ADGRF1: variants seen among roughly 807,000 people sequenced by gnomAD.
The protein encoded by ADGRF1 is G protein-coupled receptor 110.
Under a neutral mutation model 87.2 loss-of-function variants are expected in ADGRF1, and 85 were observed. The ratio of observed to expected loss-of-function variants is 0.97; its 90% CI spans 0.82 to 1.17. The LOEUF is 1.17. ADGRF1 is among the 50% of genes most tolerant of loss of function. The pLI is 0.00. For missense variants in ADGRF1, 1,169 were observed against 1,077.2 expected (o/e 1.09, Z -1.19); for synonymous variants, 430 against 408.8 (o/e 1.05, Z -0.63).
chr6:47,030,511 G>C (rs138636396), intron 1 of ADGRF1, among the ~76,000 whole-genome samples: 1 of 151,094 alleles, frequency 6.6e-6, no homozygotes, highest in Non-Finnish European at 1.5e-5. Context: ...TTTTTCTCTC[G>C]AGCAGTGTTT....
intron 13 of ADGRF1, chr6:47,002,106 T>C (rs772248954): frequency 5.2e-5 from 8 of 152,578 alleles, no homozygotes; most frequent in South Asian, 4.1e-4. Context: ...CATGTACTTA[T>C]CAGGAAAGAT....
chr6:47,004,849 A>G (rs1222481228), intron 13 of ADGRF1, among the ~76,000 whole-genome samples: 2 of 152,226 alleles, frequency 1.3e-5, no homozygotes, highest in Non-Finnish European at 2.9e-5. Context: ...AAGATCACAC[A>G]GTCAATTGGT....
In ADGRF1 at chr6:47,009,224, C is replaced by T. The variant is rs1294655359; in HGVS notation, c.2211G>A (p.Trp737Ter). 12 of 1,614,158 alleles carry T rather than the reference C, an allele frequency of 7.4e-6. No individual in the cohort carries two copies. The highest frequency in any genetic ancestry group is 1.7e-6 in the Non-Finnish European group (2 of 1,180,024). ...YKRKDVCWLNWSNGSKPLLAF... is the reference protein window; with the variant it reads ...YKRKDVCWLN The stretch of plus-strand genomic sequence containing the variant: ...CCAGGAGTGGTTTGCTTCCATTGGA[C>T]CAGTTAAGCCAACACACATCTTTCC... The change falls in exon 11 of 15, where the codon TGG (tryptophan) becomes TGA (stop). Residue 737 changes from tryptophan (W) to a stop codon, truncating the protein, a stop_gained. Coordinates refer to ENST00000371253, the MANE Select transcript of ADGRF1 (RefSeq NM_153840.4). LOFTEE classifies it high-confidence loss of function.
rs751055898 is a variant in ADGRF1, at chr6:47,005,797, T to C, written c.2592+20A>G. 4 of 1,588,482 alleles carry C rather than the reference T, an allele frequency of 2.5e-6. No individual in the cohort carries two copies. Among genetic ancestry groups the C allele is most frequent in the East Asian group, 2.2e-5 (1 of 44,666 alleles). ...ACTGGAACTTCATGTATTGGATTCATGGCAGTAGGAGATAATTACCTTTTC... is the reference window on the plus strand; with the variant it reads ...ACTGGAACTTCATGTATTGGATTCACGGCAGTAGGAGATAATTACCTTTTC... On this transcript the variant is annotated intron_variant, in intron 13 of 14. Transcript: ENST00000371253.
At chr6:47,020,468 C>T in intron 7 of ADGRF1, 1 of 1,371,030 alleles carries the variant, frequency 7.3e-7, no homozygotes, top group South Asian at 1.3e-5. Context: ...TGTGCCATTG[C>T]ACTCCAACTT....
chr6:47,003,725 G>T (rs1005855176), intron 13 of ADGRF1, among the ~76,000 whole-genome samples: 1 of 152,014 alleles, frequency 6.6e-6, no homozygotes, highest in Non-Finnish European at 1.5e-5. Flanking sequence ...GATATACCTC[G>T]CATGTACTGA....
At chr6:47,022,495 T>C (rs374514313) in intron 5 of ADGRF1, among the ~76,000 whole-genome samples, 8 of 152,232 alleles carry the variant, frequency 5.3e-5, no homozygotes, top group African/African-American at 1.9e-4. Context: ...CAATTCTCTG[T>C]GTGGACAAAT....
At chr6:47,003,040 A>G (rs1422489360) in intron 13 of ADGRF1, among the ~76,000 whole-genome samples, 1 of 152,198 alleles carries the variant, frequency 6.6e-6, no homozygotes, top group East Asian at 1.9e-4. Flanking sequence ...CTATATCATG[A>G]CACTGTAAAC....
intron 1 of ADGRF1, among the ~76,000 whole-genome samples, chr6:47,030,082 C>A (rs1354206457): frequency 6.6e-6 from 1 of 152,214 alleles, no homozygotes; most frequent in Non-Finnish European, 1.5e-5. Flanking sequence ...CCATCCAGCC[C>A]TTACCTTGCT....
Position 47,009,110 on chromosome 6 carries a change from C to G in ADGRF1, c.2325G>C (p.Gly775=). ...VLTKLWRPTV[G]ERLSRDDKAT... is the part of the protein sequence containing the mutation. ...CCTTGTCATCCCGACTCAGTCTTTC[C>G]CCAACAGTCGGCCTCCAGAGCTTTG... The change falls in exon 11 of 15, where the codon GGG becomes GGC. Residue 775 remains glycine (G), a synonymous_variant. Transcript: ENST00000371253. 6.2e-7 allele frequency: 1 copy of G among 1,614,100 alleles called. No homozygotes were observed. Among genetic ancestry groups the G allele is most frequent in the Non-Finnish European group, 8.5e-7 (1 of 1,180,008 alleles).
At chr6:47,002,266 C>T (rs923526009) in intron 13 of ADGRF1, among the ~76,000 whole-genome samples, 10 of 151,920 alleles carry the variant, frequency 6.6e-5, no homozygotes, top group Non-Finnish European at 1.2e-4. Context: ...TTCCTTGCTA[C>T]AGTCTATGCC....
At chr6:47,023,880 G>C (rs1780146693) in intron 5 of ADGRF1, among the ~76,000 whole-genome samples, 164 bp downstream of exon 5, 1 of 152,162 alleles carries the variant, frequency 6.6e-6, no homozygotes, top group Admixed American at 6.5e-5. Context: ...TCTGTACTAT[G>C]AAAGTTCTCA....
rs988341461 is a variant in ADGRF1, at chr6:47,013,275, C to T, written c.928-1080G>A. On this transcript the variant is annotated intron_variant, in intron 9 of 14. Transcript: ENST00000371253. ...CAAGCCACCTGGGATCTGCCTGGAGCGAACTAGTCTCAACTATTGCTCATG... is the reference window on the plus strand; with the variant it reads ...CAAGCCACCTGGGATCTGCCTGGAGTGAACTAGTCTCAACTATTGCTCATG... The T allele has an allele frequency of 1.1e-4, 105 of 985,422 alleles. No individual in the cohort carries two copies. In the African/African-American group the frequency reaches 1.2e-3, roughly 12 times the overall value. The allele number at this position is 985,422 out of a possible 1,614,324, so 61.0% of individuals were successfully genotyped here. A position where few individuals can be genotyped will look rare whatever the true frequency, so the allele number is the denominator to read the frequency against.
intron 1 of ADGRF1, among the ~76,000 whole-genome samples, chr6:47,034,131 T>C (rs1374372860): frequency 6.6e-6 from 1 of 152,238 alleles, no homozygotes; most frequent in African/African-American, 2.4e-5. Flanking sequence ...CGTGAGGATT[T>C]GTGAAAGTTA....
chr6:47,029,232 T>TCCA, intron 1 of ADGRF1, 128 bp from the exon 2 acceptor site: 1 of 600,206 alleles, frequency 1.7e-6, no homozygotes, highest in Non-Finnish European at 3.0e-6. Flanking sequence ...ATGTTTCCAC[T>TCCA]CCACGGAACC....
chr6:47,020,029 T>C (rs1418268339), intron 7 of ADGRF1: 4 of 992,494 alleles, frequency 4.0e-6, no homozygotes, highest in Admixed American at 6.0e-5. Flanking sequence ...TCTCCTGTAG[T>C]TGCTGAAGGA....
rs1780300749 is a variant in ADGRF1, at chr6:47,028,154, T to C, written c.70-393A>G. Among the ~76,000 whole-genome samples, 5 of 152,122 alleles carry C rather than the reference T, an allele frequency of 3.3e-5. 1 individual carries two copies. The South Asian group carries it at 1.0e-3, about 32-fold the overall frequency. ...GGGGAAAAACATGCTGTAACTTACT[T>C]TGTAGCAGGCTCAATCCTGAAGCCC... On this transcript the variant is annotated intron_variant, in intron 2 of 14. Transcript: ENST00000371253.
chr6:47,021,880 A>G, intron 6 of ADGRF1, 78 bp downstream of exon 6: 1 of 778,452 alleles, frequency 1.3e-6, no homozygotes, highest in Non-Finnish European at 2.2e-6. Context: ...ATATGTATTA[A>G]ATATACATGC....
intron 1 of ADGRF1, among the ~76,000 whole-genome samples, chr6:47,037,260 T>G (rs1167797834): frequency 2.0e-5 from 3 of 152,196 alleles, no homozygotes; most frequent in African/African-American, 7.2e-5. Context: ...TACTGACCAT[T>G]TGTATTTTTT....
Sources: allele counts gnomAD v4.1 joint callset (sites outside exome capture counted in the v4.1 genomes callset), GRCh38; gene constraint gnomAD v4.1.1; transcripts MANE v1.5; gene names NCBI Gene and HGNC (gene_info 2026-07-23, HGNC 2026-07-21).